HTR1F: variants seen among roughly 807,000 people sequenced by gnomAD.
HTR1F encodes the protein 5-hydroxytryptamine (serotonin) receptor 1F, G protein-coupled.
In HTR1F, 17 loss-of-function variants were observed where a neutral mutation model predicts 24.0. The ratio of observed to expected loss-of-function variants is 0.71; its 90% confidence interval spans 0.48 to 1.06. The LOEUF is 1.06. HTR1F is among the 50% of genes least tolerant of loss of function. HTR1F has a pLI of 0.00. For synonymous variants in HTR1F, 186 were observed against 156.8 expected (o/e 1.19, Z -1.39); for missense variants, 391 against 427.8 (o/e 0.91, Z 0.76).
In HTR1F at chr3:87,986,524, G is replaced by A. The variant is rs115815796; in HGVS notation, c.-42-4184G>A. Among the ~76,000 whole-genome samples, 1,143 of 152,124 alleles carry A rather than the reference G, an allele frequency of 7.5e-3. 17 individuals are homozygous for A. Among genetic ancestry groups the A allele is most frequent in the African/African-American group, 0.026 (1,069 of 41,464 alleles). On this transcript the variant is annotated intron_variant, in intron 2 of 2. Transcript: ENST00000319595. The stretch of plus-strand genomic sequence containing the variant: ...CCATTTTATTGAGCTTAATTTAAAT[G>A]CTACAACTTGATGCTTAGGGAAATC...
chr3:87,860,347 T>C (rs1184286504), intron 2 of HTR1F, among the ~76,000 whole-genome samples: 3 of 152,182 alleles, frequency 2.0e-5, no homozygotes, highest in Non-Finnish European at 2.9e-5. Context: ...TGAGTTGTAG[T>C]TTTTGTTGCT....
chr3:87,943,519 C>G (rs1704620417), intron 2 of HTR1F, among the ~76,000 whole-genome samples: 1 of 150,616 alleles, frequency 6.6e-6, no homozygotes. Flanking sequence ...TTTGGTTACC[C>G]CTTTGTCTAT....
chr3:87,852,376 C>A (rs779643907), intron 2 of HTR1F, among the ~76,000 whole-genome samples: 2 of 151,598 alleles, frequency 1.3e-5, no homozygotes, highest in Non-Finnish European at 2.9e-5. Context: ...TTAGATGTAG[C>A]CTCCATGGCT....
rs1301446506 is a variant in HTR1F, at chr3:87,992,917, C to A, written c.*1067C>A. 6.0e-6 allele frequency: 1 copy of A among 166,774 alleles called. No homozygotes were observed. The highest frequency in any genetic ancestry group is 6.6e-5 in the Admixed American group (1 of 15,242). The allele number at this position is 166,774 out of a possible 1,614,324, so 10.3% of individuals were successfully genotyped here. On this transcript the variant is annotated 3_prime_UTR_variant, in exon 3 of 3. Coordinates refer to ENST00000319595, the MANE Select transcript of HTR1F (RefSeq NM_001322209.2). ...TGGTAGAAATGAACAGGAAAAAAGA[C>A]TCATATTACACTAATTAATAAATGT...
chr3:87,981,020 C>A (rs536803522), intron 2 of HTR1F, among the ~76,000 whole-genome samples: 1 of 152,222 alleles, frequency 6.6e-6, no homozygotes, highest in Non-Finnish European at 1.5e-5. Context: ...TCCCACCCCA[C>A]CAACTCAGAA....
At chr3:87,811,928 G>T (rs949012906) in intron 1 of HTR1F, among the ~76,000 whole-genome samples, 1 of 152,158 alleles carries the variant, frequency 6.6e-6, no homozygotes, top group African/African-American at 2.4e-5. Context: ...GTGCTGATGA[G>T]ATCTGATGGC....
intron 1 of HTR1F, among the ~76,000 whole-genome samples, chr3:87,812,583 A>G (rs1404517426): frequency 6.6e-6 from 1 of 152,240 alleles, no homozygotes; most frequent in African/African-American, 2.4e-5. Context: ...GAATAATTTC[A>G]ACCTGCTGCA....
intron 2 of HTR1F, among the ~76,000 whole-genome samples, chr3:87,869,371 GGATA>G (rs1705495943): frequency 2.1e-5 from 3 of 139,562 alleles, no homozygotes; most frequent in South Asian, 2.2e-4. Context: ...AGAACCAATA[GGATA>G]GATAGATAGA....
chr3:87,935,122 C>T (rs1172328614), intron 2 of HTR1F, among the ~76,000 whole-genome samples: 3 of 152,182 alleles, frequency 2.0e-5, no homozygotes, highest in Non-Finnish European at 2.9e-5. Context: ...CCTGACTTGG[C>T]CTCCCAAAGT....
intron 2 of HTR1F, among the ~76,000 whole-genome samples, chr3:87,822,631 ATT>A (rs1220483863): frequency 6.6e-6 from 1 of 152,156 alleles, no homozygotes; most frequent in Non-Finnish European, 1.5e-5. Context: ...TTCAGAGTTT[ATT>A]TGAGGCAAAG....
At chr3:87,868,589 A>G (rs1386889059) in intron 2 of HTR1F, among the ~76,000 whole-genome samples, 3 of 151,766 alleles carry the variant, frequency 2.0e-5, no homozygotes, top group Non-Finnish European at 2.9e-5. Context: ...AGAAATTTTC[A>G]AAACTTCAGG....
At chr3:87,826,348 T>G (rs1248813559) in intron 2 of HTR1F, among the ~76,000 whole-genome samples, 1 of 152,216 alleles carries the variant, frequency 6.6e-6, no homozygotes, top group Non-Finnish European at 1.5e-5. Flanking sequence ...CAATGATTGA[T>G]TTCCCCTAAG....
chr3:87,881,591 G>C (rs548236795), intron 2 of HTR1F, among the ~76,000 whole-genome samples: 1 of 152,232 alleles, frequency 6.6e-6, no homozygotes, highest in Non-Finnish European at 1.5e-5. Context: ...ACAAACCTGA[G>C]AAAAACAAGC....
At chr3:87,971,781 G>A (rs1705291099) in intron 2 of HTR1F, among the ~76,000 whole-genome samples, 1 of 151,934 alleles carries the variant, frequency 6.6e-6, no homozygotes, top group South Asian at 2.1e-4. Context: ...ACACTTTTCA[G>A]CACTCATTTT....
intron 2 of HTR1F, among the ~76,000 whole-genome samples, chr3:87,962,602 TTTTATG>T (rs563279321): frequency 8.4e-4 from 128 of 152,188 alleles, no homozygotes; most frequent in African/African-American, 2.8e-3. Flanking sequence ...GATGTTTTCC[TTTTATG>T]TTTATATTAG....
chr3:87,969,721 T>C (rs573972318), intron 2 of HTR1F, among the ~76,000 whole-genome samples: 1 of 152,236 alleles, frequency 6.6e-6, no homozygotes, highest in South Asian at 2.1e-4. Flanking sequence ...TGAGAAGGCA[T>C]GATTGGTTTT....
chr3:87,979,029 A>C (rs1576115168), intron 2 of HTR1F, among the ~76,000 whole-genome samples: 1 of 3,152 alleles, frequency 3.2e-4, no homozygotes, highest in Non-Finnish European at 1.3e-3. Flanking sequence ...GGAGGGAGGG[A>C]GGGAGGGAGG....
intron 2 of HTR1F, among the ~76,000 whole-genome samples, chr3:87,949,954 G>C (rs1190045866): frequency 1.3e-5 from 2 of 152,204 alleles, no homozygotes; most frequent in Non-Finnish European, 2.9e-5. Context: ...TGGACGAGAA[G>C]CATGGGCTGG....
intron 2 of HTR1F, among the ~76,000 whole-genome samples, chr3:87,953,124 T>G (rs1335638810): frequency 4.6e-5 from 7 of 151,620 alleles, no homozygotes; most frequent in Non-Finnish European, 1.0e-4. Flanking sequence ...GGAAAACATT[T>G]CAGGACATTA....
Sources: gnomAD v4.1 joint callset for allele counts (sites outside exome capture counted in the v4.1 genomes callset) on GRCh38, gnomAD v4.1.1 for gene constraint, MANE v1.5 for transcripts, NCBI Gene and HGNC (gene_info 2026-07-23, HGNC 2026-07-21) for gene names.